The following PTPRN2 variants were observed in gnomAD, a reference collection of about 807,000 sequenced individuals.
The protein encoded by PTPRN2 is receptor-type tyrosine-protein phosphatase N2.
PTPRN2 carries 74 observed loss-of-function variants against 118.8 expected under a neutral mutation model. The ratio of observed to expected loss-of-function variants is 0.62; its 90% CI spans 0.52 to 0.76. The LOEUF (loss-of-function observed/expected upper bound fraction) is 0.76. Among genes scored for constraint, PTPRN2 ranks in the 30% least tolerant of loss-of-function variants. The probability of loss-of-function intolerance (pLI) is 0.00; values close to 1 mark genes in which losing one functional copy is unlikely to be tolerated. For missense variants in PTPRN2, 1,481 were observed against 1,394.4 expected (o/e 1.06, Z -0.99); for synonymous variants, 641 against 608.0 (o/e 1.05, Z -0.80).
intron 12 of PTPRN2, among the ~76,000 whole-genome samples, chr7:157,725,593 G>A (rs1360584023): frequency 3.6e-5 from 5 of 138,788 alleles, no homozygotes; most frequent in African/African-American, 1.1e-4. Context: ...CCTCCCAGGA[G>A]AACTGGATAC....
chr7:157,900,369 T>C (rs1797373182), intron 11 of PTPRN2, among the ~76,000 whole-genome samples: 1 of 152,224 alleles, frequency 6.6e-6, no homozygotes, highest in Non-Finnish European at 1.5e-5. Flanking sequence ...AGACTGTGGT[T>C]GCCAAGAGGT....
At chr7:158,097,387 C>T (rs1458087716) in intron 10 of PTPRN2, among the ~76,000 whole-genome samples, 3 of 152,288 alleles carry the variant, frequency 2.0e-5, no homozygotes, top group Non-Finnish European at 4.4e-5. Flanking sequence ...GTAATAACAC[C>T]GTATTCATCA....
At chr7:158,487,188 T>G (rs1206903955) in intron 2 of PTPRN2, among the ~76,000 whole-genome samples, 3 of 152,258 alleles carry the variant, frequency 2.0e-5, no homozygotes, top group African/African-American at 7.2e-5. Context: ...CAGTGGACAC[T>G]GGGCTGCTTT....
intron 11 of PTPRN2, among the ~76,000 whole-genome samples, chr7:157,984,817 G>C (rs375917481): frequency 2.0e-5 from 3 of 152,232 alleles, no homozygotes; most frequent in Non-Finnish European, 4.4e-5. Context: ...AGGACGTGGC[G>C]AGCCCAATAC....
rs75778320 is a variant in PTPRN2, at chr7:158,509,220, G to A, written c.113-19435C>T. Among the ~76,000 whole-genome samples the A allele has an allele frequency of 0.2, 29,961 of 152,032 alleles. 3,294 individuals are homozygous for A. The highest frequency in any genetic ancestry group is 0.39 in the East Asian group (1,997 of 5,138). ...ACCAGTGGACAGGCTGCAGCTCACA[G>A]GGTCCTTGCTCAAAGGCGGCAGCAA... On this transcript the variant is annotated intron_variant, in intron 1 of 22. Coordinates refer to ENST00000389418, the MANE Select transcript of PTPRN2 (RefSeq NM_002847.5). This position sits in a 1 kb window ranked among gnomAD's most constrained non-coding sequence, Gnocchi z 4.4.
chr7:157,859,776 C>T (rs190792350), intron 12 of PTPRN2, among the ~76,000 whole-genome samples: 147 of 107,156 alleles, frequency 1.4e-3, no homozygotes, highest in African/African-American at 4.4e-3. Flanking sequence ...AGGGAGAGCC[C>T]CCCAGCCACC....
chr7:157,923,142 A>G (rs1444866369), intron 11 of PTPRN2, among the ~76,000 whole-genome samples: 1 of 152,244 alleles, frequency 6.6e-6, no homozygotes, highest in East Asian at 1.9e-4. Context: ...TTTTATCTTT[A>G]TCCCAACACC....
At chr7:158,206,925 A>T (rs1425341417) in intron 3 of PTPRN2, among the ~76,000 whole-genome samples, 1 of 147,074 alleles carries the variant, frequency 6.8e-6, no homozygotes, top group African/African-American at 2.5e-5. Flanking sequence ...GTCATCTAGC[A>T]TTAGGTATAT....
intron 2 of PTPRN2, among the ~76,000 whole-genome samples, chr7:158,355,225 C>T (rs1483761038): frequency 6.6e-6 from 1 of 152,184 alleles, no homozygotes; most frequent in Non-Finnish European, 1.5e-5. Flanking sequence ...ACTAAGAGGG[C>T]AGATTCTCAT....
chr7:158,167,008 G>A lies in PTPRN2; in HGVS notation c.833C>T (p.Pro278Leu). ...LLRAPSRMPRPLLAPAAPQKW... is the reference protein window; with the variant it reads ...LLRAPSRMPRLLLAPAAPQKW... The stretch of plus-strand genomic sequence containing the variant: ...CTGGGGGGCGGCTGGTGCCAGCAAA[G>A]GCCTGGGCATTCTTGAGGGTGCACG... The change falls in exon 6 of 23, where the codon CCT becomes CTT. Residue 278 changes from proline to leucine, a missense_variant. Physicochemically the swap from Pro to Leu is moderately conservative, Grantham distance 98 (BLOSUM62 -3). Coordinates refer to ENST00000389418, the MANE Select transcript of PTPRN2 (RefSeq NM_002847.5). The A allele has an allele frequency of 6.7e-7, 1 of 1,483,914 alleles. No individual in the cohort carries two copies. Among genetic ancestry groups the A allele is most frequent in the Non-Finnish European group, 9.0e-7 (1 of 1,113,760 alleles). The allele number at this position is 1,483,914 out of a possible 1,614,324, so 91.9% of individuals were successfully genotyped here.
intron 13 of PTPRN2, among the ~76,000 whole-genome samples, chr7:157,667,573 C>A (rs1796205704): frequency 6.6e-6 from 1 of 152,234 alleles, no homozygotes; most frequent in Admixed American, 6.5e-5. Flanking sequence ...CTGGATGACC[C>A]TCTGGCCACT....
chr7:158,368,933 G>C (rs954755577), intron 2 of PTPRN2, among the ~76,000 whole-genome samples: 6 of 152,198 alleles, frequency 3.9e-5, no homozygotes, highest in African/African-American at 1.4e-4. Context: ...TTGATCCTGG[G>C]TGTGTCTGTG....
intron 3 of PTPRN2, among the ~76,000 whole-genome samples, chr7:158,289,499 G>A (rs1799970325): frequency 6.6e-6 from 1 of 152,046 alleles, no homozygotes; most frequent in African/African-American, 2.4e-5. Context: ...AGAGTTTCTA[G>A]AATTTTTAAA....
intron 12 of PTPRN2, among the ~76,000 whole-genome samples, chr7:157,820,346 C>T (rs1437585089): frequency 6.8e-6 from 1 of 146,350 alleles, no homozygotes; most frequent in Non-Finnish European, 1.5e-5. Context: ...CACATATGCA[C>T]TCAAACATAC....
In PTPRN2 at chr7:157,622,978, A is replaced by G. The variant is rs1423837041; in HGVS notation, c.2197-1469T>C. ...GCTCTGAGCCAAAGCGAACGAGTTC[A>G]TCTACTCCCGTCACCAGCCCCGACA... is the stretch of plus-strand genomic sequence containing the variant. On this transcript the variant is annotated intron_variant, in intron 14 of 22. Transcript: ENST00000389418. The surrounding 1 kb of genome is among the most constrained non-coding windows in gnomAD (Gnocchi z 5.3). 2.6e-5 allele frequency among the ~76,000 whole-genome samples: 4 copies of G among 152,198 alleles called. No homozygotes were observed. Among genetic ancestry groups the G allele is most frequent in the African/African-American group, 9.6e-5 (4 of 41,456 alleles).
intron 12 of PTPRN2, among the ~76,000 whole-genome samples, chr7:157,730,515 C>T (rs760901403): frequency 6.6e-6 from 1 of 152,214 alleles, no homozygotes; most frequent in Non-Finnish European, 1.5e-5. Flanking sequence ...GGTTGCCCTC[C>T]TGTATGGCAC....
At chr7:158,226,654 G>A (rs1460761643) in intron 3 of PTPRN2, among the ~76,000 whole-genome samples, 1 of 148,290 alleles carries the variant, frequency 6.7e-6, no homozygotes, top group African/African-American at 2.5e-5. Context: ...TGCATATGAG[G>A]AACGAAGACA....
chr7:158,348,834 T>C (rs1044553375), intron 2 of PTPRN2, among the ~76,000 whole-genome samples: 3 of 151,902 alleles, frequency 2.0e-5, no homozygotes, highest in Non-Finnish European at 4.4e-5. Context: ...ATCATTACCC[T>C]CCCTCAGGAG....
chr7:157,864,257 C>G (rs1584902737), intron 12 of PTPRN2: 1 of 152,076 alleles, frequency 6.6e-6, no homozygotes, highest in South Asian at 2.1e-4. Flanking sequence ...AGATCTGTGA[C>G]TGGGTCCCCC....
Sources: gnomAD v4.1 joint callset for allele counts (sites outside exome capture counted in the v4.1 genomes callset) on GRCh38, gnomAD v4.1.1 for gene constraint, Gnocchi (gnomAD v3.1) non-coding constraint, MANE v1.5 for transcripts, NCBI Gene and HGNC (gene_info 2026-07-23, HGNC 2026-07-21) for gene names.